RARB: variants seen among roughly 807,000 people sequenced by gnomAD.
RARB encodes HBV-activated protein.
Under a neutral mutation model 51.9 loss-of-function variants are expected in RARB, and 17 were observed. The ratio of observed to expected loss-of-function variants is 0.33; its 90% CI spans 0.22 to 0.49. The LOEUF (loss-of-function observed/expected upper bound fraction) is 0.49, where lower values mean the gene tolerates loss of function less well. RARB is among the 20% of genes least tolerant of loss of function. The pLI, the probability that RARB is intolerant of heterozygous loss-of-function variation, is 0.99. For missense variants in RARB, 369 were observed against 550.8 expected, an observed-to-expected ratio of 0.67 and a Z score of 3.30; for synonymous variants, 215 against 195.4, an observed-to-expected ratio of 1.10 and a Z score of -0.84.
At position 25,206,552 on chromosome 3, in the gene RARB, C is replaced by G. The variant is rs146589624; in HGVS notation, c.178+31977C>G. 8.0e-3 allele frequency among the ~76,000 whole-genome samples: 1,225 copies of G among 152,198 alleles called. 20 individuals carry two copies. The highest frequency in any genetic ancestry group is 0.03 in the East Asian group (154 of 5,178). ...TTCGAGAAAATCTTTTGAGGTCATT[C>G]CCTGTGCCCATCTACCCATTTCAGA... On this transcript the variant is annotated intron_variant, in intron 5 of 11. Coordinates refer to the RARB transcript ENST00000383772.
intron 5 of RARB, among the ~76,000 whole-genome samples, chr3:25,386,406 G>A (rs948377055): frequency 6.6e-6 from 1 of 152,214 alleles, no homozygotes; most frequent in Non-Finnish European, 1.5e-5. Context: ...GATTGTTCCT[G>A]ATGGTAGGTG....
intron 3 of RARB, among the ~76,000 whole-genome samples, chr3:25,131,151 T>C (rs973594707): frequency 8.6e-5 from 13 of 151,974 alleles, no homozygotes; most frequent in Non-Finnish European, 1.2e-4. Context: ...TCTTAGGACA[T>C]GCCCAGAAAT....
chr3:25,158,993 G>C (rs1700425722), intron 4 of RARB, among the ~76,000 whole-genome samples: 1 of 151,958 alleles, frequency 6.6e-6, no homozygotes, highest in South Asian at 2.1e-4. Context: ...ACAGGCCAGA[G>C]CTCGGTCTTA....
At chr3:25,328,290 C>T (rs997906520) in intron 5 of RARB, among the ~76,000 whole-genome samples, 70 of 152,334 alleles carry the variant, frequency 4.6e-4, no homozygotes, top group African/African-American at 9.9e-4. Context: ...AAGACTGAGA[C>T]GGGCGGATCA....
At chr3:25,583,343 G>T (rs556245923) in intron 5 of RARB, among the ~76,000 whole-genome samples, 2 of 152,172 alleles carry the variant, frequency 1.3e-5, no homozygotes, top group African/African-American at 2.4e-5. Context: ...GTAACCAGGC[G>T]GATGGACAGA....
intron 2 of RARB, among the ~76,000 whole-genome samples, chr3:24,993,437 T>G (rs1406386168): frequency 1.3e-5 from 2 of 152,186 alleles, no homozygotes; most frequent in African/African-American, 4.8e-5. Flanking sequence ...ATAACAATTG[T>G]ACATATTTAG....
At chr3:24,934,721 C>A (rs1307664512) in intron 2 of RARB, among the ~76,000 whole-genome samples, 1 of 151,952 alleles carries the variant, frequency 6.6e-6, no homozygotes, top group Non-Finnish European at 1.5e-5. Flanking sequence ...AATGCTTGGC[C>A]ATATTCCTAT....
intron 5 of RARB, among the ~76,000 whole-genome samples, chr3:25,250,679 C>T (rs1702694947): frequency 6.6e-6 from 1 of 152,080 alleles, no homozygotes; most frequent in South Asian, 2.1e-4. Context: ...TGTTGGACCC[C>T]AGGGTAGGAT....
intron 3 of RARB, among the ~76,000 whole-genome samples, chr3:25,102,789 C>G (rs149929883): frequency 6.6e-6 from 1 of 152,128 alleles, no homozygotes; most frequent in Admixed American, 6.5e-5. Context: ...CTGTGGCTCA[C>G]GCCTGTAATC....
chr3:25,177,154 G>C (rs1358434667), intron 5 of RARB, among the ~76,000 whole-genome samples: 2 of 152,186 alleles, frequency 1.3e-5, no homozygotes, highest in Non-Finnish European at 2.9e-5. Flanking sequence ...AAGCTGCTCA[G>C]ATGGAAATGA....
At chr3:25,119,159 A>G (rs1179899923) in intron 3 of RARB, among the ~76,000 whole-genome samples, 3 of 152,128 alleles carry the variant, frequency 2.0e-5, no homozygotes, top group Non-Finnish European at 4.4e-5. Flanking sequence ...TTACAGTTAG[A>G]TTTCAGTTTG....
intron 4 of RARB, among the ~76,000 whole-genome samples, chr3:25,577,155 G>C (rs1378948617): frequency 6.6e-6 from 1 of 152,150 alleles, no homozygotes; most frequent in Non-Finnish European, 1.5e-5. Flanking sequence ...CTGGTGGGAA[G>C]CCTAAACACC....
chr3:25,051,565 C>T (rs1604007), intron 2 of RARB, among the ~76,000 whole-genome samples: 128,500 of 152,118 alleles, frequency 0.84, 54,399 homozygotes, highest in East Asian at 0.91. Context: ...AATAGAGCTT[C>T]GTTACCTACA....
Position 25,428,449 on chromosome 3 carries a change from A to G in RARB, c.-283A>G. The G allele has an allele frequency of 7.9e-7, 1 of 1,262,972 alleles. No individual in the cohort carries two copies. The highest frequency in any genetic ancestry group is 3.4e-5 in the South Asian group (1 of 29,780). 78.2% of individuals were successfully genotyped at this position (1,262,972 alleles called of 1,614,324 possible). A position where few individuals can be genotyped will look rare whatever the true frequency, so the allele number is the denominator to read the frequency against. On this transcript the variant is annotated 5_prime_UTR_variant, in exon 1 of 8. Coordinates refer to ENST00000330688, the MANE Select transcript of RARB (RefSeq NM_000965.5). ...GGAACGCATTCGGAAGGCTTTTTGC[A>G]AGCATTTACTTGGAAGGAGAACTTG...
chr3:24,987,725 T>C lies in RARB; in HGVS notation c.-379-72400T>C, dbSNP rs369832829. On this transcript the variant is annotated intron_variant, in intron 2 of 11. Transcript: ENST00000383772. Reference sequence around the variant, plus strand: ...AAATTTGACTCCACATACTTTTAAATGGGCAAGTTGAAAATAAGGTAATGG... The same window carrying C: ...AAATTTGACTCCACATACTTTTAAACGGGCAAGTTGAAAATAAGGTAATGG... Among the ~76,000 whole-genome samples the C allele has an allele frequency of 1.2e-4, 18 of 152,312 alleles. 3 individuals are homozygous for C. Among genetic ancestry groups the C allele is most frequent in the Admixed American group, 1.0e-3 (16 of 15,298 alleles).
At chr3:25,209,772 A>G (rs906559342) in intron 5 of RARB, among the ~76,000 whole-genome samples, 52 of 152,174 alleles carry the variant, frequency 3.4e-4, no homozygotes, top group African/African-American at 1.2e-3. Flanking sequence ...ATGCAGTCCT[A>G]TTCAACTGAA....
chr3:25,167,894 T>C (rs911928913), intron 4 of RARB, among the ~76,000 whole-genome samples: 1 of 152,222 alleles, frequency 6.6e-6, no homozygotes, highest in Non-Finnish European at 1.5e-5. Context: ...GGGCAGATGC[T>C]TACAGGATTG....
At chr3:24,947,754 C>T (rs1365670580) in intron 2 of RARB, among the ~76,000 whole-genome samples, 1 of 152,140 alleles carries the variant, frequency 6.6e-6, no homozygotes, top group Non-Finnish European at 1.5e-5. Context: ...GGTAAGGATA[C>T]CGAGAAGACC....
intron 5 of RARB, among the ~76,000 whole-genome samples, chr3:25,358,862 G>C (rs1705834287): frequency 6.6e-6 from 1 of 152,074 alleles, no homozygotes; most frequent in African/African-American, 2.4e-5. Flanking sequence ...TTTTTAATGT[G>C]CTGCTGGATT....
Sources: gnomAD v4.1 joint callset for allele counts (sites outside exome capture counted in the v4.1 genomes callset) on GRCh38, gnomAD v4.1.1 for gene constraint, MANE v1.5 for transcripts, NCBI Gene and HGNC (gene_info 2026-07-23, HGNC 2026-07-21) for gene names.